SPAM1: variants seen among roughly 807,000 people sequenced by gnomAD.
SPAM1 encodes the protein hyaluronidase PH-20.
Under a neutral mutation model 29.6 loss-of-function variants are expected in SPAM1, and 22 were observed. The ratio of observed to expected loss-of-function variants is 0.74; its 90% CI spans 0.53 to 1.06. The LOEUF is 1.06. Ranked by LOEUF, SPAM1 falls within the 50% of genes least tolerant of loss-of-function variation. The probability of loss-of-function intolerance (pLI) is 0.00; values close to 1 mark genes in which losing one functional copy is unlikely to be tolerated. For synonymous variants in SPAM1, 194 were observed against 204.6 expected, an observed-to-expected ratio of 0.95 and a Z score of 0.44; for missense variants, 534 against 604.0, an observed-to-expected ratio of 0.88 and a Z score of 1.21.
intron 1 of SPAM1, among the ~76,000 whole-genome samples, chr7:123,934,063 C>G (rs1314037502): frequency 6.6e-6 from 1 of 152,130 alleles, no homozygotes; most frequent in Non-Finnish European, 1.5e-5. Context: ...ACATGTTGTA[C>G]AGATGTATAA....
downstream of SPAM1, among the ~76,000 whole-genome samples, chr7:123,962,712 G>A (rs1307982414): frequency 1.3e-5 from 2 of 151,710 alleles, no homozygotes; most frequent in African/African-American, 4.8e-5. Flanking sequence ...TAAAGTCATT[G>A]CTGCTCATTA....
At chr7:123,949,415 C>G (rs1384795955) in intron 1 of SPAM1, among the ~76,000 whole-genome samples, 1 of 152,034 alleles carries the variant, frequency 6.6e-6, no homozygotes. Flanking sequence ...TTTTTGTATA[C>G]TTCAACTGTG....
At position 123,959,518 on chromosome 7, in the gene SPAM1, C is replaced by G; in HGVS notation, c.1079C>G (p.Thr360Ser). The change falls in exon 5 of 5, where the codon ACT becomes AGT. Residue 360 changes from threonine to serine, a missense_variant. Physicochemically the swap from Thr to Ser is moderately conservative, Grantham distance 58. Coordinates refer to ENST00000682466, the MANE Select transcript of SPAM1 (RefSeq NM_153189.3). ...TTGCTCCTAGACAATTACATGGAGA[C>G]TATACTGAATCCTTACATAATCAAC... ...SCLLLDNYME[T>S]ILNPYIINVT... 3.1e-6 allele frequency: 5 copies of G among 1,611,892 alleles called. No homozygotes were observed. The highest frequency in any genetic ancestry group is 3.4e-6 in the Non-Finnish European group (4 of 1,178,890).
At chr7:123,956,988 T>C (rs1381474091) in intron 4 of SPAM1, among the ~76,000 whole-genome samples, 1 of 152,034 alleles carries the variant, frequency 6.6e-6, no homozygotes, top group Non-Finnish European at 1.5e-5. Context: ...AGGTTAATGA[T>C]TCTCAAGCCA....
chr7:123,945,363 CTAAACAACAG>C (rs1350453539), intron 1 of SPAM1, among the ~76,000 whole-genome samples: 1 of 151,950 alleles, frequency 6.6e-6, no homozygotes, highest in African/African-American at 2.4e-5. Context: ...AATTAGGATA[CTAAACAACAG>C]CTTCCTAGGA....
At chr7:123,966,671 G>GA in intron 5 of SPAM1, among the ~76,000 whole-genome samples, 1 of 152,034 alleles carries the variant, frequency 6.6e-6, no homozygotes, top group Non-Finnish European at 1.5e-5. Context: ...CACAGTAACA[G>GA]AAAACCAAAC....
chr7:123,952,146 A>T (rs924651676), intron 2 of SPAM1, among the ~76,000 whole-genome samples: 5 of 152,116 alleles, frequency 3.3e-5, no homozygotes, highest in African/African-American at 1.2e-4. Flanking sequence ...TAGGTCCTGA[A>T]TAAAGAAGTT....
chr7:123,960,918 T>C (rs1308982086), downstream of SPAM1, among the ~76,000 whole-genome samples: 4 of 151,966 alleles, frequency 2.6e-5, no homozygotes, highest in East Asian at 7.7e-4. Flanking sequence ...AAATTATTAT[T>C]ATGCATTTTT....
downstream of SPAM1, among the ~76,000 whole-genome samples, chr7:123,962,397 A>G (rs1237937747): frequency 6.6e-6 from 1 of 151,770 alleles, no homozygotes; most frequent in Non-Finnish European, 1.5e-5. Flanking sequence ...TTCCTTGTAT[A>G]TTTTATATAT....
At chr7:123,959,398 A>G in intron 4 of SPAM1, 86 bp from the exon 5 acceptor site, 2 of 894,466 alleles carry the variant, frequency 2.2e-6, no homozygotes, top group East Asian at 5.1e-5. Flanking sequence ...ATTCTTCTGT[A>G]AAAAAATTGC....
intron 2 of SPAM1, among the ~76,000 whole-genome samples, 161 bp from the exon 3 acceptor site, chr7:123,953,204 T>A (rs182626016): frequency 6.6e-6 from 1 of 152,074 alleles, no homozygotes; most frequent in Non-Finnish European, 1.5e-5. Flanking sequence ...GTTTGTATCA[T>A]ACATGAGAGG....
intron 1 of SPAM1, among the ~76,000 whole-genome samples, chr7:123,945,236 A>G (rs1808541418): frequency 2.0e-5 from 3 of 152,142 alleles, no homozygotes. Flanking sequence ...TGTTTTATAC[A>G]TAACCTTTAA....
Position 123,959,978 on chromosome 7 carries a change from G to A in SPAM1, c.*9G>A, listed in dbSNP as rs921796089. ...CTGTAGCGAGTTTGTAATTGCGCAG[G>A]TTAGCTGAAATGAACAATATGTCCA... On this transcript the variant is annotated 3_prime_UTR_variant, in exon 5 of 5. Coordinates refer to ENST00000682466, the MANE Select transcript of SPAM1 (RefSeq NM_153189.3). 1 of 1,593,434 alleles carries A rather than the reference G, an allele frequency of 6.3e-7. No individual in the cohort carries two copies. The highest frequency in any genetic ancestry group is 1.3e-5 in the African/African-American group (1 of 74,370).
Position 123,959,698 on chromosome 7 carries a change from A to G in SPAM1, c.1259A>G (p.Lys420Arg), listed in dbSNP as rs757000578. The G allele has an allele frequency of 6.2e-6, 10 of 1,613,344 alleles. No individual in the cohort carries two copies. In the South Asian group the frequency reaches 1.1e-4, roughly 18 times the overall value. The change falls in exon 5 of 5, where the codon AAA (lysine) becomes AGA (arginine). Residue 420 changes from lysine (K) to arginine (R), a missense_variant. Physicochemically the swap from Lys to Arg is conservative, Grantham distance 26 (BLOSUM62 2). Transcript: ENST00000682466. ...GGTGGAAAGTTCACAGTACGTGGAA[A>G]ACCGACACTTGAAGACCTGGAGCAA... ...EKGGKFTVRG[K>R]PTLEDLEQFS... is the part of the protein sequence containing the mutation.
intron 1 of SPAM1, among the ~76,000 whole-genome samples, chr7:123,927,751 C>G (rs892961030): frequency 6.6e-6 from 1 of 152,054 alleles, no homozygotes; most frequent in African/African-American, 2.4e-5. Flanking sequence ...AAGAGTGAAG[C>G]CTTGAGTAAA....
chr7:123,961,893 C>A (rs1792363903), downstream of SPAM1, among the ~76,000 whole-genome samples: 1 of 151,892 alleles, frequency 6.6e-6, no homozygotes, highest in Admixed American at 6.6e-5. Flanking sequence ...AGGGGAAACC[C>A]CTTATGAAAT....
chr7:123,969,218 T>A (rs939972903), intron 5 of SPAM1, among the ~76,000 whole-genome samples: 2 of 152,060 alleles, frequency 1.3e-5, no homozygotes, highest in Admixed American at 1.3e-4. Context: ...TTTACAAATA[T>A]TTTCTCTCAC....
downstream of SPAM1, among the ~76,000 whole-genome samples, chr7:123,963,317 T>C (rs1792384263): frequency 6.6e-6 from 1 of 150,762 alleles, no homozygotes; most frequent in South Asian, 2.1e-4. Context: ...AATGTTGACA[T>C]TTTTTTCATA....
chr7:123,930,876 G>A (rs979374270), intron 1 of SPAM1, among the ~76,000 whole-genome samples: 2 of 152,038 alleles, frequency 1.3e-5, no homozygotes, highest in Non-Finnish European at 2.9e-5. Context: ...CAAAACAAAG[G>A]GACTCGATCC....
Sources: gnomAD v4.1 joint callset for allele counts (sites outside exome capture counted in the v4.1 genomes callset) on GRCh38, gnomAD v4.1.1 for gene constraint, MANE v1.5 for transcripts, NCBI Gene and HGNC (gene_info 2026-07-23, HGNC 2026-07-21) for gene names.